Variants in KCNIP4 observed in about 807,000 individuals in gnomAD.
The protein encoded by KCNIP4 is Kv channel-interacting protein 4.
In KCNIP4, 12 loss-of-function variants were observed where a neutral mutation model predicts 34.0. The ratio of observed to expected loss-of-function variants is 0.35; its 90% CI spans 0.23 to 0.57. The LOEUF (loss-of-function observed/expected upper bound fraction) is 0.57, where lower values mean the gene tolerates loss of function less well. KCNIP4 is among the 20% of genes least tolerant of loss of function. KCNIP4 has a pLI of 0.83. For synonymous variants in KCNIP4, 124 were observed against 102.2 expected, an observed-to-expected ratio of 1.21 and a Z score of -1.29; for missense variants, 238 against 311.7, an observed-to-expected ratio of 0.76 and a Z score of 1.78.
At chr4:21,072,724 C>T (rs999618673) in intron 1 of KCNIP4, among the ~76,000 whole-genome samples, 12 of 151,878 alleles carry the variant, frequency 7.9e-5, no homozygotes, top group Non-Finnish European at 1.5e-4. Context: ...CTTGCCCATG[C>T]CTATGTCCTG....
chr4:21,920,795 C>G (rs942605000), intron 1 of KCNIP4, among the ~76,000 whole-genome samples: 3 of 151,980 alleles, frequency 2.0e-5, no homozygotes, highest in South Asian at 2.1e-4. Context: ...TGAACTGTTA[C>G]CAGCAGGCTG....
intron 1 of KCNIP4, among the ~76,000 whole-genome samples, chr4:21,257,950 T>C (rs1761185464): frequency 6.6e-6 from 1 of 152,120 alleles, no homozygotes; most frequent in Non-Finnish European, 1.5e-5. Context: ...GTTCTGATTG[T>C]TTTTTCTTGC....
intron 1 of KCNIP4, among the ~76,000 whole-genome samples, chr4:21,834,342 C>A (rs1409832028): frequency 6.6e-6 from 1 of 152,072 alleles, no homozygotes; most frequent in African/African-American, 2.4e-5. Context: ...GTATTTTATT[C>A]TCTTGGAAGC....
At chr4:21,930,242 T>A (rs1295340664) in intron 1 of KCNIP4, among the ~76,000 whole-genome samples, 2 of 152,164 alleles carry the variant, frequency 1.3e-5, no homozygotes, top group African/African-American at 4.8e-5. Context: ...TTCTTCCACT[T>A]ATTCTGATAC....
intron 1 of KCNIP4, among the ~76,000 whole-genome samples, chr4:21,053,852 A>G (rs1743151920): frequency 1.3e-5 from 2 of 152,204 alleles, no homozygotes; most frequent in African/African-American, 4.8e-5. Context: ...CCGATGAACA[A>G]AATCAAAGAA....
chr4:21,838,357 G>A (rs146007410), intron 1 of KCNIP4, among the ~76,000 whole-genome samples: 133 of 152,232 alleles, frequency 8.7e-4, no homozygotes, highest in African/African-American at 2.8e-3. Flanking sequence ...TGTAAAAGTG[G>A]GACAATCGCA....
chr4:21,035,164 C>G (rs529092654), intron 1 of KCNIP4, among the ~76,000 whole-genome samples: 1 of 152,316 alleles, frequency 6.6e-6, no homozygotes, highest in Admixed American at 6.5e-5. Context: ...CATTTCTGAT[C>G]TAAATTGCTA....
intron 3 of KCNIP4, among the ~76,000 whole-genome samples, chr4:20,760,497 T>A (rs2149361132): frequency 6.6e-6 from 1 of 152,296 alleles, no homozygotes; most frequent in East Asian, 1.9e-4. Flanking sequence ...CCTGCAGAAT[T>A]TTCTATTTTC....
At chr4:21,521,277 T>C (rs149979040) in intron 1 of KCNIP4, among the ~76,000 whole-genome samples, 25 of 152,306 alleles carry the variant, frequency 1.6e-4, no homozygotes, top group African/African-American at 6.0e-4. Flanking sequence ...TCTCATTTTA[T>C]TGTGTATACA....
At chr4:21,289,949 A>G (rs1210778151) in intron 1 of KCNIP4, among the ~76,000 whole-genome samples, 2 of 152,142 alleles carry the variant, frequency 1.3e-5, no homozygotes, top group African/African-American at 4.8e-5. Context: ...AGCAAAACAC[A>G]TCAATGGAGT....
At chr4:21,230,164 A>G (rs1467769738) in intron 1 of KCNIP4, among the ~76,000 whole-genome samples, 1 of 152,000 alleles carries the variant, frequency 6.6e-6, no homozygotes, top group Non-Finnish European at 1.5e-5. Context: ...ACAGAGGCGG[A>G]AACTGGAGGG....
At chr4:21,789,590 C>T (rs879256136) in intron 1 of KCNIP4, among the ~76,000 whole-genome samples, 2 of 152,192 alleles carry the variant, frequency 1.3e-5, no homozygotes, top group South Asian at 2.1e-4. Flanking sequence ...AGGTTTAAGA[C>T]TACGTAACAT....
chr4:21,445,112 G>A (rs6810754), intron 1 of KCNIP4, among the ~76,000 whole-genome samples: 40,954 of 151,576 alleles, frequency 0.27, 6,501 homozygotes, highest in Non-Finnish European at 0.37. Context: ...CCACTGCTCA[G>A]TGAAATAAAA....
chr4:20,821,813 A>C (rs1717143534), intron 3 of KCNIP4, among the ~76,000 whole-genome samples: 1 of 152,116 alleles, frequency 6.6e-6, no homozygotes, highest in South Asian at 2.1e-4. Flanking sequence ...GACATTTTTC[A>C]TTCCATTTTA....
At chr4:21,435,684 G>A (rs1003690664) in intron 1 of KCNIP4, among the ~76,000 whole-genome samples, 1 of 151,994 alleles carries the variant, frequency 6.6e-6, no homozygotes, top group African/African-American at 2.4e-5. Context: ...TTTAATAAAG[G>A]CACATTTTCT....
chr4:21,542,428 G>T (rs1439477519), intron 1 of KCNIP4, among the ~76,000 whole-genome samples: 1 of 152,018 alleles, frequency 6.6e-6, no homozygotes, highest in African/African-American at 2.4e-5. Context: ...TCAAAAGCTT[G>T]AGAAAGCTCA....
chr4:21,915,668 C>T (rs1429687580), intron 1 of KCNIP4, among the ~76,000 whole-genome samples: 1 of 152,202 alleles, frequency 6.6e-6, no homozygotes. Flanking sequence ...ACTCCACAAA[C>T]ATTTACCTAT....
At chr4:21,169,659 T>TG (rs1481822141) in intron 1 of KCNIP4, among the ~76,000 whole-genome samples, 1 of 97,378 alleles carries the variant, frequency 1.0e-5, no homozygotes, top group Non-Finnish European at 2.2e-5. Context: ...ATACTTTATA[T>TG]TTGTGTGTGT....
At chr4:21,460,485 C>G in intron 1 of KCNIP4, among the ~76,000 whole-genome samples, 1 of 152,034 alleles carries the variant, frequency 6.6e-6, no homozygotes, top group Non-Finnish European at 1.5e-5. Context: ...TCTCATAGTT[C>G]TGGATGTTGG....
Sources: allele counts gnomAD v4.1 joint callset (sites outside exome capture counted in the v4.1 genomes callset), GRCh38; gene constraint gnomAD v4.1.1; transcripts MANE v1.5; gene names NCBI Gene and HGNC (gene_info 2026-07-23, HGNC 2026-07-21).